GRIK1: variants seen among roughly 807,000 people sequenced by gnomAD.
GRIK1 encodes glutamate receptor ionotropic, kainate 1.
GRIK1 carries 69 observed loss-of-function variants against 105.7 expected under a neutral mutation model. The ratio of observed to expected loss-of-function variants is 0.65; its 90% CI spans 0.54 to 0.80. The LOEUF is 0.80. Among genes scored for constraint, GRIK1 ranks in the 30% least tolerant of loss-of-function variants. GRIK1 has a pLI of 0.00. For synonymous variants in GRIK1, 438 were observed against 431.3 expected (o/e 1.02, Z -0.19); for missense variants, 1,109 against 1,167.3 (o/e 0.95, Z 0.73).
intron 3 of GRIK1, among the ~76,000 whole-genome samples, chr21:29,686,538 G>A (rs2063489452): frequency 2.6e-5 from 4 of 152,206 alleles, no homozygotes; most frequent in Non-Finnish European, 5.9e-5. Context: ...ATCTTTTAAG[G>A]CTATAGCAGA....
chr21:29,773,369 G>A (rs2065861863), intron 1 of GRIK1, among the ~76,000 whole-genome samples: 1 of 152,172 alleles, frequency 6.6e-6, no homozygotes, highest in African/African-American at 2.4e-5. Flanking sequence ...AATGTTCAGT[G>A]ACAGGGTTGG....
At chr21:29,742,228 A>G (rs1464882539) in intron 1 of GRIK1, among the ~76,000 whole-genome samples, 2 of 152,256 alleles carry the variant, frequency 1.3e-5, no homozygotes, top group African/African-American at 4.8e-5. Context: ...GGAATCAGAA[A>G]AAAAAGCATT....
intron 1 of GRIK1, among the ~76,000 whole-genome samples, chr21:29,887,700 C>A (rs1034308134): frequency 2.0e-4 from 30 of 152,084 alleles, no homozygotes; most frequent in African/African-American, 7.0e-4. Context: ...TAATCTTTTC[C>A]CTCTTCCTTC....
chr21:29,588,590 A>G (rs2061282159), intron 11 of GRIK1, among the ~76,000 whole-genome samples: 1 of 152,118 alleles, frequency 6.6e-6, no homozygotes, highest in African/African-American at 2.4e-5. Context: ...TCCTTTATAA[A>G]TTTCCCAGTC....
chr21:29,806,205 TCTG>T (rs1217052901), intron 1 of GRIK1, among the ~76,000 whole-genome samples: 1 of 152,172 alleles, frequency 6.6e-6, no homozygotes, highest in Non-Finnish European at 1.5e-5. Flanking sequence ...GAATCTATAA[TCTG>T]CTATCATATT....
chr21:29,590,309 C>G (rs747121054), intron 10 of GRIK1, among the ~76,000 whole-genome samples: 12 of 152,126 alleles, frequency 7.9e-5, no homozygotes, highest in Non-Finnish European at 1.5e-4. Context: ...ATTGATTTGA[C>G]ATTATGGACT....
intron 7 of GRIK1, among the ~76,000 whole-genome samples, chr21:29,625,700 A>G (rs2062110007): frequency 6.6e-6 from 1 of 152,118 alleles, no homozygotes; most frequent in Non-Finnish European, 1.5e-5. Context: ...GTCTCTCTTC[A>G]TGTTGAACTC....
chr21:29,938,929 T>G (rs1008798681), intron 1 of GRIK1, among the ~76,000 whole-genome samples: 1 of 152,098 alleles, frequency 6.6e-6, no homozygotes, highest in Admixed American at 6.5e-5. Flanking sequence ...GGTCCCTGTA[T>G]TGTATTCTTG....
chr21:29,615,360 A>C (rs2061825910), intron 7 of GRIK1, among the ~76,000 whole-genome samples: 1 of 151,750 alleles, frequency 6.6e-6, no homozygotes, highest in Non-Finnish European at 1.5e-5. Context: ...CTCAGGCTGG[A>C]GTGCAATGGC....
chr21:29,748,153 T>C (rs2065092711), intron 1 of GRIK1: 2 of 152,258 alleles, frequency 1.3e-5, no homozygotes, highest in South Asian at 4.1e-4. Context: ...AGAGTATTGT[T>C]TGAATTTTCC....
chr21:29,612,381 T>C (rs2061747751), intron 7 of GRIK1, among the ~76,000 whole-genome samples: 1 of 152,216 alleles, frequency 6.6e-6, no homozygotes. Context: ...GTGTTTCTGC[T>C]CATAGAGTTA....
At chr21:29,786,540 G>A (rs2066266313) in intron 1 of GRIK1, among the ~76,000 whole-genome samples, 2 of 152,102 alleles carry the variant, frequency 1.3e-5, no homozygotes, top group Admixed American at 6.6e-5. Context: ...TCATGTAAAT[G>A]AAATCATCCC....
chr21:29,725,078 G>T (rs1406382028), intron 1 of GRIK1, among the ~76,000 whole-genome samples: 5 of 150,544 alleles, frequency 3.3e-5, no homozygotes, highest in African/African-American at 1.2e-4. Context: ...CACCTTTTCT[G>T]AGAGTCCACT....
chr21:29,668,672 T>C (rs1037079656), intron 4 of GRIK1, among the ~76,000 whole-genome samples: 1 of 152,242 alleles, frequency 6.6e-6, no homozygotes, highest in Non-Finnish European at 1.5e-5. Context: ...TTAAATGAGA[T>C]GGTTGCTTAG....
intron 16 of GRIK1, 42 bp from the exon 17 acceptor site, chr21:29,537,926 ATT>A (rs900559590): frequency 1.1e-6 from 1 of 925,172 alleles, no homozygotes; most frequent in Non-Finnish European, 1.7e-6. Flanking sequence ...TAAATTGTAC[ATT>A]TTCTCCAAAA....
chr21:29,770,043 C>T (rs1219942423), intron 1 of GRIK1, among the ~76,000 whole-genome samples: 1 of 152,156 alleles, frequency 6.6e-6, no homozygotes, highest in East Asian at 1.9e-4. Flanking sequence ...CAGATAAATT[C>T]CCACGAGTGC....
chr21:29,778,694 AT>A (rs2066010267), intron 1 of GRIK1, among the ~76,000 whole-genome samples: 1 of 152,212 alleles, frequency 6.6e-6, no homozygotes, highest in African/African-American at 2.4e-5. Flanking sequence ...CCCCACACCA[AT>A]AAAAATGTGA....
At chr21:29,558,559 G>A (rs1291408482) in intron 15 of GRIK1, among the ~76,000 whole-genome samples, 1 of 151,686 alleles carries the variant, frequency 6.6e-6, no homozygotes, top group East Asian at 1.9e-4. Context: ...TTAAAAGCAT[G>A]ACAGGTTTAC....
At chr21:29,817,175 C>G (rs1472918820) in intron 1 of GRIK1, among the ~76,000 whole-genome samples, 1 of 152,100 alleles carries the variant, frequency 6.6e-6, no homozygotes, top group Admixed American at 6.6e-5. Flanking sequence ...CTTAAAGCAA[C>G]TCTATCTGGT....
Sources: gnomAD v4.1 joint callset for allele counts (sites outside exome capture counted in the v4.1 genomes callset) on GRCh38, gnomAD v4.1.1 for gene constraint, MANE v1.5 for transcripts, NCBI Gene and HGNC (gene_info 2026-07-23, HGNC 2026-07-21) for gene names.